POU2F3: variants seen among roughly 807,000 people sequenced by gnomAD.
The protein encoded by POU2F3 is POU domain, class 2, transcription factor 3.
A neutral mutation model predicts 59.2 loss-of-function variants in POU2F3; 23 were observed. That is an observed-to-expected ratio of 0.39 (90% CI 0.28 to 0.55). POU2F3 has a LOEUF of 0.55. Among genes scored for constraint, POU2F3 ranks in the 20% least tolerant of loss-of-function variants. The probability of loss-of-function intolerance (pLI) is 0.66; values close to 1 mark genes in which losing one functional copy is unlikely to be tolerated. For missense variants in POU2F3, 473 were observed against 544.5 expected (o/e 0.87, Z 1.31); for synonymous variants, 190 against 214.6 (o/e 0.89, Z 1.00).
chr11:120,253,921 C>A (rs1591378652), intron 2 of POU2F3, among the ~76,000 whole-genome samples: 1 of 152,190 alleles, frequency 6.6e-6, no homozygotes, highest in Admixed American at 6.5e-5. Flanking sequence ...GGAGACCCAG[C>A]AGGAGAGGGA....
rs1941379907 is a variant in POU2F3, at chr11:120,302,624, A to AC, written c.444+257dup. The AC allele has an allele frequency of 4.6e-5, 22 of 480,750 alleles. No individual in the cohort carries two copies. In the South Asian group the frequency reaches 6.0e-4, roughly 13 times the overall value. 29.8% of individuals were successfully genotyped at this position (480,750 alleles called of 1,614,324 possible). A position where few individuals can be genotyped will look rare whatever the true frequency, so the allele number is the denominator to read the frequency against. ...GGCCAGCCTCCTTCATGCTCCAGGC[A>AC]CTGAACTCCAACCCTGCACAGGCCC... On this transcript the variant is annotated intron_variant, in intron 6 of 12. Coordinates refer to ENST00000543440, the MANE Select transcript of POU2F3 (RefSeq NM_014352.4).
At chr11:120,278,067 A>G (rs148824647) in intron 3 of POU2F3, among the ~76,000 whole-genome samples, 9 of 152,302 alleles carry the variant, frequency 5.9e-5, no homozygotes, top group African/African-American at 1.2e-4. Flanking sequence ...ATACTTCCTC[A>G]ATTAACACAG....
chr11:120,265,198 C>T (rs922092932), intron 2 of POU2F3: 17 of 152,246 alleles, frequency 1.1e-4, no homozygotes, highest in Admixed American at 7.9e-4. Flanking sequence ...CAGCCAGATC[C>T]GGAGGGAGAA....
intron 9 of POU2F3, among the ~76,000 whole-genome samples, chr11:120,307,987 C>T (rs1197340601): frequency 6.6e-6 from 1 of 152,140 alleles, no homozygotes; most frequent in Non-Finnish European, 1.5e-5. Flanking sequence ...ATTTTCTATG[C>T]AGTACATTTT....
At chr11:120,266,382 T>A (rs1205669853) in intron 2 of POU2F3, among the ~76,000 whole-genome samples, 2 of 152,056 alleles carry the variant, frequency 1.3e-5, no homozygotes. Flanking sequence ...TCCCAGTTGG[T>A]CTCCCTTCCT....
chr11:120,315,748 A>G (rs1198056317), intron 11 of POU2F3, among the ~76,000 whole-genome samples: 1 of 152,214 alleles, frequency 6.6e-6, no homozygotes, highest in African/African-American at 2.4e-5. Flanking sequence ...CTAGTCCTCA[A>G]AAAGCACCTA....
At chr11:120,298,154 T>A in intron 3 of POU2F3, 111 bp from the exon 4 acceptor site, 1 of 1,350,130 alleles carries the variant, frequency 7.4e-7, no homozygotes, top group Non-Finnish European at 1.0e-6. Context: ...GGGCTAGCTC[T>A]CTCCTCTCTA....
rs56861657 is a variant in POU2F3, at chr11:120,315,210, A to G, written c.1069-151A>G. ...CAGTATGTGGTCCAGAGGCCTTCCCATAGAAAGGAGGATGGCATGTAGGCT... is the reference window on the plus strand; with the variant it reads ...CAGTATGTGGTCCAGAGGCCTTCCCGTAGAAAGGAGGATGGCATGTAGGCT... On this transcript the variant is annotated intron_variant, in intron 10 of 12. Transcript: ENST00000543440. 4,806 of 714,364 alleles carry G rather than the reference A, an allele frequency of 6.7e-3. 159 individuals are homozygous for G. The African/African-American group carries it at 0.073, about 11-fold the overall frequency. 44.3% of individuals were successfully genotyped at this position (714,364 alleles called of 1,614,324 possible).
upstream of POU2F3, chr11:120,236,763 G>A: frequency 7.1e-7 from 1 of 1,406,312 alleles, no homozygotes; most frequent in Middle Eastern, 1.7e-4. Flanking sequence ...TGATCAGTGA[G>A]CAAGTCTGAG....
intron 10 of POU2F3, among the ~76,000 whole-genome samples, chr11:120,311,401 G>T (rs1941644794): frequency 6.6e-6 from 1 of 152,142 alleles, no homozygotes; most frequent in Non-Finnish European, 1.5e-5. Context: ...ACCCCATGAG[G>T]TAGGAATGAC....
intron 3 of POU2F3, among the ~76,000 whole-genome samples, chr11:120,279,171 C>T (rs191915815): frequency 2.9e-3 from 437 of 151,518 alleles, no homozygotes; most frequent in African/African-American, 9.8e-3. Flanking sequence ...GCCAGACTCC[C>T]GACTCTGTGG....
In POU2F3 at chr11:120,302,606, C is replaced by G. The variant is rs548747428; in HGVS notation, c.444+238C>G. On this transcript the variant is annotated intron_variant, in intron 6 of 12. Transcript: ENST00000543440. ...CAGAGATTCCAGCTCCCAGGCCAGC[C>G]TCCTTCATGCTCCAGGCACTGAACT... 6.0e-6 allele frequency: 3 copies of G among 500,070 alleles called. No individual in the cohort carries two copies. In the Admixed American group the frequency reaches 1.1e-4, roughly 18 times the overall value. The allele number at this position is 500,070 out of a possible 1,614,324, so 31.0% of individuals were successfully genotyped here.
At chr11:120,307,260 C>T (rs1941520467) in intron 8 of POU2F3, among the ~76,000 whole-genome samples, 1 of 152,214 alleles carries the variant, frequency 6.6e-6, no homozygotes, top group Admixed American at 6.5e-5. Flanking sequence ...CCACAGAAGG[C>T]CATGGAGGAC....
chr11:120,277,194 G>A (rs1940368724), intron 3 of POU2F3, among the ~76,000 whole-genome samples: 1 of 152,176 alleles, frequency 6.6e-6, no homozygotes, highest in Non-Finnish European at 1.5e-5. Context: ...GGGAGGCTGA[G>A]GCAGGAAAAT....
At chr11:120,298,447 T>C in intron 4 of POU2F3, 57 bp downstream of exon 4, 1 of 1,599,740 alleles carries the variant, frequency 6.3e-7, no homozygotes, top group Non-Finnish European at 8.5e-7. Flanking sequence ...CTCTGTGAAA[T>C]GCTCGACTTC....
At chr11:120,240,737 C>T (rs985114173) in intron 1 of POU2F3, among the ~76,000 whole-genome samples, 14 of 152,058 alleles carry the variant, frequency 9.2e-5, no homozygotes, top group Non-Finnish European at 1.8e-4. Flanking sequence ...CCTGGGAGTG[C>T]ATAAGTGAGG....
At chr11:120,263,273 A>G (rs1160933258) in intron 2 of POU2F3, among the ~76,000 whole-genome samples, 1 of 152,156 alleles carries the variant, frequency 6.6e-6, no homozygotes, top group East Asian at 1.9e-4. Context: ...TACAGGCGTG[A>G]CCCACCGCGC....
At chr11:120,255,833 C>T (rs755558840) in intron 2 of POU2F3, among the ~76,000 whole-genome samples, 2 of 152,136 alleles carry the variant, frequency 1.3e-5, no homozygotes, top group Non-Finnish European at 2.9e-5. Flanking sequence ...TGGGAAGGAC[C>T]ACTGCGTGAA....
At chr11:120,299,808 C>A in intron 5 of POU2F3, 82 bp downstream of exon 5, 1 of 1,205,780 alleles carries the variant, frequency 8.3e-7, no homozygotes, top group Non-Finnish European at 1.2e-6. Context: ...GTGAGGGGGC[C>A]TAATTGGAGA....
Sources: allele counts gnomAD v4.1 joint callset (sites outside exome capture counted in the v4.1 genomes callset), GRCh38; gene constraint gnomAD v4.1.1; transcripts MANE v1.5; gene names NCBI Gene and HGNC (gene_info 2026-07-23, HGNC 2026-07-21).